The following DCC variants were observed in gnomAD, a reference collection of about 807,000 sequenced individuals.
DCC encodes the protein netrin receptor DCC.
DCC carries 58 observed loss-of-function variants against 172.5 expected under a neutral mutation model. The observed-to-expected ratio is 0.34, with a 90% CI of 0.27 to 0.42. The LOEUF (loss-of-function observed/expected upper bound fraction) is 0.42. DCC is among the 10% of genes least tolerant of loss of function. The pLI is 1.00. For missense variants in DCC, 1,740 were observed against 1,791.0 expected (o/e 0.97, Z 0.51); for synonymous variants, 709 against 644.5 (o/e 1.10, Z -1.52).
At chr18:53,073,948 A>C (rs1261540056) in intron 7 of DCC, among the ~76,000 whole-genome samples, 3 of 151,740 alleles carry the variant, frequency 2.0e-5, no homozygotes, top group Non-Finnish European at 2.9e-5. Flanking sequence ...TTCCTACTAC[A>C]TGTTGATTCT....
intron 5 of DCC, among the ~76,000 whole-genome samples, chr18:53,025,936 GA>G (rs1411082960): frequency 6.6e-6 from 1 of 151,194 alleles, no homozygotes; most frequent in Non-Finnish European, 1.5e-5. Context: ...TTTAATCTAA[GA>G]AAAAATCTTT....
intron 11 of DCC, among the ~76,000 whole-genome samples, chr18:53,213,514 G>T (rs1205128372): frequency 6.6e-6 from 1 of 151,890 alleles, no homozygotes; most frequent in African/African-American, 2.4e-5. Context: ...TGGGCGTGGT[G>T]GTGGGCACCT....
chr18:53,464,138 A>G (rs1502232), intron 24 of DCC, among the ~76,000 whole-genome samples: 67,718 of 152,046 alleles, frequency 0.45, 16,872 homozygotes, highest in Non-Finnish European at 0.58. Flanking sequence ...AGTTTACAAT[A>G]AAGAAACGAA....
At chr18:52,565,776 G>T (rs1465481032) in intron 1 of DCC, among the ~76,000 whole-genome samples, 4 of 151,910 alleles carry the variant, frequency 2.6e-5, no homozygotes, top group East Asian at 1.9e-4. Flanking sequence ...ATTTTCTCCC[G>T]TTCTGTAGGT....
intron 12 of DCC, among the ~76,000 whole-genome samples, chr18:53,291,014 A>T (rs1018784198): frequency 6.6e-6 from 1 of 152,050 alleles, no homozygotes. Flanking sequence ...CTAAAAATAC[A>T]AAAATTAGCC....
At chr18:52,980,414 C>T (rs139157410) in intron 5 of DCC, among the ~76,000 whole-genome samples, 2,121 of 152,018 alleles carry the variant, frequency 0.014, 56 homozygotes, top group African/African-American at 0.049. Context: ...TTTCAGGGTC[C>T]GGTTATCTAG....
intron 2 of DCC, among the ~76,000 whole-genome samples, chr18:52,899,665 C>CTT (rs879845712): frequency 6.8e-6 from 1 of 146,062 alleles, no homozygotes; most frequent in Admixed American, 6.9e-5. Context: ...TTAAAAACAA[C>CTT]TTTTTTTTTT....
chr18:53,170,309 C>G (rs1486407938), intron 8 of DCC, among the ~76,000 whole-genome samples: 1 of 152,036 alleles, frequency 6.6e-6, no homozygotes, highest in Non-Finnish European at 1.5e-5. Context: ...AGTTTCCAGC[C>G]CTTTAAAAAT....
intron 1 of DCC, among the ~76,000 whole-genome samples, chr18:52,702,547 A>C (rs1020896715): frequency 6.6e-6 from 1 of 152,128 alleles, no homozygotes; most frequent in African/African-American, 2.4e-5. Flanking sequence ...GCAAATGTGT[A>C]ATGTTATCAT....
At chr18:52,989,409 G>C (rs986925311) in intron 5 of DCC, among the ~76,000 whole-genome samples, 1 of 151,984 alleles carries the variant, frequency 6.6e-6, no homozygotes, top group African/African-American at 2.4e-5. Flanking sequence ...TTTAATCCTA[G>C]CTACTCAGGA....
intron 7 of DCC, among the ~76,000 whole-genome samples, chr18:53,095,835 T>C (rs1257546675): frequency 2.0e-4 from 29 of 148,586 alleles, no homozygotes; most frequent in Non-Finnish European, 1.5e-5. Context: ...TTTTTCATCC[T>C]ACCACAAAAA....
chr18:53,077,585 A>G (rs2144124987), intron 7 of DCC, among the ~76,000 whole-genome samples: 1 of 152,304 alleles, frequency 6.6e-6, no homozygotes, highest in African/African-American at 2.4e-5. Context: ...AAGCCAGGGT[A>G]TGATGAGCAG....
intron 1 of DCC, among the ~76,000 whole-genome samples, chr18:52,649,100 G>A (rs191572950): frequency 9.9e-5 from 15 of 152,284 alleles, no homozygotes; most frequent in Middle Eastern, 3.4e-3. Context: ...ATGGCCGGGC[G>A]CGGTGGCTCA....
intron 22 of DCC, among the ~76,000 whole-genome samples, chr18:53,443,614 T>C (rs1241153933): frequency 1.3e-5 from 2 of 152,224 alleles, no homozygotes; most frequent in East Asian, 1.9e-4. Flanking sequence ...AGATATTTCA[T>C]AGATATGTCT....
intron 12 of DCC, among the ~76,000 whole-genome samples, chr18:53,292,116 C>G (rs896268895): frequency 2.7e-5 from 4 of 146,876 alleles, no homozygotes; most frequent in East Asian, 3.9e-4. Context: ...GAGCTCCACC[C>G]CCCCCCCCTT....
At position 53,081,692 on chromosome 18, in the gene DCC, G is replaced by A. The variant is rs551521696; in HGVS notation, c.1261+15526G>A. ...GTTTGAAGATGAATCCAGAGGTACCGCTTGTAAGCAGGCCCCCGCTTTTTC... is the reference window on the plus strand; with the variant it reads ...GTTTGAAGATGAATCCAGAGGTACCACTTGTAAGCAGGCCCCCGCTTTTTC... On this transcript the variant is annotated intron_variant, in intron 7 of 28. Coordinates refer to ENST00000442544, the MANE Select transcript of DCC (RefSeq NM_005215.4). Among the ~76,000 whole-genome samples, 9 of 152,058 alleles carry A rather than the reference G, an allele frequency of 5.9e-5. No homozygotes were observed. The South Asian group carries it at 1.2e-3, about 21-fold the overall frequency.
intron 5 of DCC, among the ~76,000 whole-genome samples, chr18:53,052,282 A>T: frequency 6.6e-6 from 1 of 152,020 alleles, no homozygotes; most frequent in East Asian, 1.9e-4. Flanking sequence ...TTTTAAATGA[A>T]TCCATTGTGT....
intron 1 of DCC, among the ~76,000 whole-genome samples, chr18:52,341,230 C>G (rs1983620981): frequency 6.6e-6 from 1 of 152,124 alleles, no homozygotes; most frequent in Non-Finnish European, 1.5e-5. Context: ...CCCCAGAAAC[C>G]TACCAAGTGG....
chr18:52,977,624 G>T (rs2041139786), intron 5 of DCC, among the ~76,000 whole-genome samples: 1 of 152,106 alleles, frequency 6.6e-6, no homozygotes, highest in East Asian at 1.9e-4. Context: ...AGTGGCTCAT[G>T]CCTGTAGTCC....
Sources: allele counts gnomAD v4.1 joint callset (sites outside exome capture counted in the v4.1 genomes callset), GRCh38; gene constraint gnomAD v4.1.1; transcripts MANE v1.5; gene names NCBI Gene and HGNC (gene_info 2026-07-23, HGNC 2026-07-21).